Variants in EYS observed in about 807,000 individuals in gnomAD.
The protein encoded by EYS is EGF-like photoreceptor maintenance factor.
In EYS, 250 loss-of-function variants were observed where a neutral mutation model predicts 282.1. The ratio of observed to expected loss-of-function variants is 0.89; its 90% CI spans 0.80 to 0.98. EYS has a LOEUF of 0.98. Ranked by LOEUF, EYS falls within the 50% of genes least tolerant of loss-of-function variation. EYS has a pLI of 0.00. For missense variants in EYS, 4,016 were observed against 3,709.0 expected (o/e 1.08, Z -2.15); for synonymous variants, 1,355 against 1,282.9 (o/e 1.06, Z -1.20).
intron 41 of EYS, among the ~76,000 whole-genome samples, chr6:63,732,748 GTGC>G (rs1768812699): frequency 6.6e-6 from 1 of 152,188 alleles, no homozygotes; most frequent in African/African-American, 2.4e-5. Flanking sequence ...GCAAAGGTTT[GTGC>G]CAACACGTTC....
chr6:65,639,462 TA>T (rs1767205881), intron 2 of EYS, among the ~76,000 whole-genome samples: 1 of 151,884 alleles, frequency 6.6e-6, no homozygotes, highest in Non-Finnish European at 1.5e-5. Context: ...ATGGATTATT[TA>T]AATGCATCTC....
chr6:64,731,615 C>T (rs1338469270), intron 22 of EYS, among the ~76,000 whole-genome samples: 1 of 152,132 alleles, frequency 6.6e-6, no homozygotes, highest in African/African-American at 2.4e-5. Context: ...AATGAGATAC[C>T]ATGTCACACC....
At chr6:65,424,596 C>T (rs994629927) in intron 5 of EYS, among the ~76,000 whole-genome samples, 2 of 151,942 alleles carry the variant, frequency 1.3e-5, no homozygotes, top group African/African-American at 4.8e-5. Flanking sequence ...ACTCATTTTA[C>T]CAATCAGTAC....
intron 14 of EYS, among the ~76,000 whole-genome samples, chr6:64,997,283 G>A (rs1003878259): frequency 5.6e-4 from 85 of 152,176 alleles, no homozygotes; most frequent in Admixed American, 4.2e-3. Flanking sequence ...GTGCCTTTCA[G>A]AATAAATTCT....
At chr6:64,589,217 A>G (rs1766323487) in intron 26 of EYS, among the ~76,000 whole-genome samples, 1 of 152,076 alleles carries the variant, frequency 6.6e-6, no homozygotes, top group Non-Finnish European at 1.5e-5. Flanking sequence ...GAAATTTTGT[A>G]GACAAAATTA....
At chr6:64,297,633 A>C (rs1490719884) in intron 30 of EYS, among the ~76,000 whole-genome samples, 2 of 152,226 alleles carry the variant, frequency 1.3e-5, no homozygotes, top group Non-Finnish European at 2.9e-5. Flanking sequence ...ACACTGAAAG[A>C]AAACAACTCT....
chr6:65,453,680 C>T (rs1278501997), intron 5 of EYS, among the ~76,000 whole-genome samples: 1 of 151,976 alleles, frequency 6.6e-6, no homozygotes, highest in Non-Finnish European at 1.5e-5. Flanking sequence ...CTCCTCTCCC[C>T]TCCCCCCTAC....
intron 14 of EYS, among the ~76,000 whole-genome samples, chr6:64,950,792 C>CATACAT (rs1419966413): frequency 1.2e-3 from 75 of 60,866 alleles, no homozygotes; most frequent in African/African-American, 4.1e-3. Context: ...TACACATATA[C>CATACAT]ATATACATAT....
chr6:64,563,534 T>C (rs910215525), intron 26 of EYS, among the ~76,000 whole-genome samples: 1 of 152,136 alleles, frequency 6.6e-6, no homozygotes, highest in Non-Finnish European at 1.5e-5. Flanking sequence ...GTACTCATTA[T>C]GTCTACTAAA....
At chr6:63,864,954 A>G (rs115643978) in intron 35 of EYS, among the ~76,000 whole-genome samples, 1,657 of 152,316 alleles carry the variant, frequency 0.011, 24 homozygotes, top group African/African-American at 0.038. Flanking sequence ...CCAGGGAAGC[A>G]TTCTCAAGAG....
At chr6:64,029,222 C>A (rs147734685) in intron 33 of EYS, among the ~76,000 whole-genome samples, 2 of 152,086 alleles carry the variant, frequency 1.3e-5, no homozygotes, top group Non-Finnish European at 2.9e-5. Context: ...CAGAGAGAGC[C>A]GGGATAGCTC....
In EYS at chr6:65,115,966, AATCTATCTATCT is replaced by A. The variant is rs3036006; in HGVS notation, c.2024-58251_2024-58240del. Among the ~76,000 whole-genome samples, 94 of 144,962 alleles carry A rather than the reference AATCTATCTATCT, an allele frequency of 6.5e-4. 1 individual carries two copies. Among genetic ancestry groups the A allele is most frequent in the Admixed American group, 1.3e-3 (19 of 14,582 alleles). On this transcript the variant is annotated intron_variant, in intron 12 of 42. Transcript: ENST00000503581. ...TGTCTGTCTGTCTGTCTGTCTATCTAATCTATCTATCTATCTATCTATCTATCTATCTATCTA... is the reference window on the plus strand; with the variant it reads ...TGTCTGTCTGTCTGTCTGTCTATCTAATCTATCTATCTATCTATCTATCTA...
chr6:64,169,035 A>C (rs746325281), intron 31 of EYS, among the ~76,000 whole-genome samples: 34 of 152,330 alleles, frequency 2.2e-4, no homozygotes, highest in South Asian at 1.2e-3. Flanking sequence ...AAAAGTTTGC[A>C]AAGTTTTATC....
chr6:65,681,624 A>G, intron 1 of EYS, among the ~76,000 whole-genome samples: 1 of 151,830 alleles, frequency 6.6e-6, no homozygotes, highest in South Asian at 2.1e-4. Context: ...AAGACATGAG[A>G]CTCCTGGGCC....
chr6:64,099,547 C>T (rs372658171), intron 31 of EYS, among the ~76,000 whole-genome samples: 1 of 152,096 alleles, frequency 6.6e-6, no homozygotes. Flanking sequence ...GCCAAGTATT[C>T]TGTTTGATGA....
At chr6:64,570,422 G>A (rs1163233605) in intron 26 of EYS, among the ~76,000 whole-genome samples, 4 of 152,098 alleles carry the variant, frequency 2.6e-5, no homozygotes, top group African/African-American at 7.2e-5. Context: ...ATAATGACAG[G>A]ATCAAATTCA....
intron 26 of EYS, among the ~76,000 whole-genome samples, chr6:64,569,425 A>T (rs752247600): frequency 9.9e-5 from 15 of 152,126 alleles, no homozygotes; most frequent in Admixed American, 1.3e-4. Flanking sequence ...GAAATAAAGC[A>T]TGAAGACAAG....
intron 11 of EYS, 91 bp from the exon 12 acceptor site, chr6:65,296,210 A>G (rs1582111586): frequency 8.2e-7 from 1 of 1,225,152 alleles, no homozygotes; most frequent in Non-Finnish European, 1.1e-6. Flanking sequence ...TTAAAAACAC[A>G]GAAATAAATA....
At chr6:64,395,201 A>C (rs1220841194) in intron 28 of EYS, among the ~76,000 whole-genome samples, 1 of 152,136 alleles carries the variant, frequency 6.6e-6, no homozygotes, top group African/African-American at 2.4e-5. Context: ...AAACTAGTTC[A>C]ACCATTGTGG....
Sources: allele counts gnomAD v4.1 joint callset (sites outside exome capture counted in the v4.1 genomes callset), GRCh38; gene constraint gnomAD v4.1.1; transcripts MANE v1.5; gene names NCBI Gene and HGNC (gene_info 2026-07-23, HGNC 2026-07-21).